The following KIAA0319L variants were observed in gnomAD, a reference collection of about 807,000 sequenced individuals.
KIAA0319L encodes dyslexia-associated protein KIAA0319-like protein.
KIAA0319L carries 55 observed loss-of-function variants against 120.1 expected under a neutral mutation model. That is an observed-to-expected ratio of 0.46 (90% confidence interval 0.37 to 0.57). The LOEUF is 0.57. Ranked by LOEUF, KIAA0319L falls within the 20% of genes least tolerant of loss-of-function variation. The pLI is 0.00. For missense variants in KIAA0319L, 1,049 were observed against 1,255.3 expected (o/e 0.84, Z 2.48); for synonymous variants, 398 against 471.9 (o/e 0.84, Z 2.03).
At chr1:35,444,429 A>G (rs1359059063) in intron 16 of KIAA0319L, 126 bp from the exon 17 acceptor site, 3 of 880,114 alleles carry the variant, frequency 3.4e-6, no homozygotes, top group Non-Finnish European at 4.9e-6. Context: ...TTCTGTTACT[A>G]CAAGCCAGTG....
At chr1:35,511,966 T>G (rs1199319064) in intron 2 of KIAA0319L, among the ~76,000 whole-genome samples, 1 of 152,028 alleles carries the variant, frequency 6.6e-6, no homozygotes, top group East Asian at 1.9e-4. Flanking sequence ...CCACATATAT[T>G]ACCTGGATTC....
chr1:35,535,410 C>T (rs1646537131), intron 2 of KIAA0319L, among the ~76,000 whole-genome samples: 1 of 152,126 alleles, frequency 6.6e-6, no homozygotes, highest in Non-Finnish European at 1.5e-5. Context: ...TCTCTTCTAT[C>T]TTTTGGCCCC....
At chr1:35,523,044 T>C (rs373908680) in intron 2 of KIAA0319L, among the ~76,000 whole-genome samples, 1 of 151,064 alleles carries the variant, frequency 6.6e-6, no homozygotes, top group African/African-American at 2.4e-5. Flanking sequence ...AAAAATCTTG[T>C]ATGGTTTGGA....
At chr1:35,507,858 A>C (rs542612081) in intron 2 of KIAA0319L, among the ~76,000 whole-genome samples, 10 of 152,260 alleles carry the variant, frequency 6.6e-5, no homozygotes, top group Non-Finnish European at 1.2e-4. Flanking sequence ...TAAGTACAAC[A>C]GTGACATGCT....
At chr1:35,487,949 A>G (rs1460276992) in intron 3 of KIAA0319L, among the ~76,000 whole-genome samples, 2 of 152,160 alleles carry the variant, frequency 1.3e-5, no homozygotes, top group East Asian at 3.9e-4. Context: ...TATGGGGGTC[A>G]CCCTCTTCTG....
At position 35,456,165 on chromosome 1, in the gene KIAA0319L, G is replaced by A. The variant is rs368938917; in HGVS notation, c.1504C>T (p.Pro502Ser). ...TTGGGGCCTGCGTTGGCCACAGGGG[G>A]GTAATCCACAGCTTTGTTCACTGTC... Reference protein sequence around the residue: ...NLTVNKAVDYPPVANAGPNQV... With the variant: ...NLTVNKAVDYSPVANAGPNQV... Residue 502 changes from proline (P) to serine (S), a missense_variant, in exon 10 of 21, where the codon CCC becomes TCC. Pro to Ser is a moderately conservative substitution (Grantham distance 74). Transcript: ENST00000325722. The A allele has an allele frequency of 6.2e-7, 1 of 1,613,558 alleles. No individual in the cohort carries two copies. Among genetic ancestry groups the A allele is most frequent in the Admixed American group, 1.7e-5 (1 of 59,982 alleles).
At chr1:35,538,066 GC>G (rs1334536959) in intron 2 of KIAA0319L, among the ~76,000 whole-genome samples, 1 of 152,046 alleles carries the variant, frequency 6.6e-6, no homozygotes. Context: ...GCTATTCTCT[GC>G]CCCATTCTTT....
At chr1:35,472,969 T>C (rs1238588249) in intron 5 of KIAA0319L, among the ~76,000 whole-genome samples, 1 of 149,674 alleles carries the variant, frequency 6.7e-6, no homozygotes, top group East Asian at 2.0e-4. Flanking sequence ...TTAGTAGAGA[T>C]GGGGTTTCAC....
intron 4 of KIAA0319L, among the ~76,000 whole-genome samples, chr1:35,476,156 A>T (rs2149134701): frequency 6.6e-6 from 1 of 152,310 alleles, no homozygotes; most frequent in East Asian, 1.9e-4. Flanking sequence ...CACATATGTC[A>T]GAGTTTCTCA....
rs1309574684 is a variant in KIAA0319L, at chr1:35,485,396, C to T, written c.667-6184G>A. 2.6e-5 allele frequency among the ~76,000 whole-genome samples: 4 copies of T among 152,118 alleles called. No individual in the cohort carries two copies. The East Asian group carries it at 7.7e-4, about 29-fold the overall frequency. On this transcript the variant is annotated intron_variant, in intron 3 of 20. Coordinates refer to ENST00000325722, the MANE Select transcript of KIAA0319L (RefSeq NM_024874.5). ...GATCTGGGCAGGGGTTGCTCATAGA[C>T]CTCAAACCCATAAAGCTTTGCCATC... is the stretch of plus-strand genomic sequence containing the variant.
intron 2 of KIAA0319L, among the ~76,000 whole-genome samples, chr1:35,517,656 AACAG>A (rs531683114): frequency 6.6e-6 from 1 of 152,116 alleles, no homozygotes; most frequent in East Asian, 1.9e-4. Context: ...GGAACATAGA[AACAG>A]ACAAAGATTT....
chr1:35,548,978 C>T (rs543069529), intron 2 of KIAA0319L, among the ~76,000 whole-genome samples: 4 of 152,254 alleles, frequency 2.6e-5, no homozygotes, highest in Non-Finnish European at 5.9e-5. Flanking sequence ...AGAAAGAACT[C>T]CTTAGAGCAC....
intron 19 of KIAA0319L, among the ~76,000 whole-genome samples, chr1:35,441,613 C>T (rs1343893119): frequency 6.6e-6 from 1 of 151,868 alleles, no homozygotes; most frequent in African/African-American, 2.4e-5. Context: ...TTTCCTGAGC[C>T]TAAGTTTTTT....
intron 3 of KIAA0319L, among the ~76,000 whole-genome samples, chr1:35,504,709 T>C (rs997234184): frequency 1.3e-5 from 2 of 152,188 alleles, no homozygotes; most frequent in Non-Finnish European, 2.9e-5. Flanking sequence ...AAGGGTCAAC[T>C]GTATATTCTC....
chr1:35,523,024 A>AG (rs1037503145), intron 2 of KIAA0319L, among the ~76,000 whole-genome samples: 2 of 151,174 alleles, frequency 1.3e-5, no homozygotes, highest in African/African-American at 4.9e-5. Flanking sequence ...TAAAAAAAAA[A>AG]AAAAAAAAAA....
intron 15 of KIAA0319L, among the ~76,000 whole-genome samples, chr1:35,448,543 A>G (rs1440403988): frequency 6.6e-6 from 1 of 152,222 alleles, no homozygotes; most frequent in Non-Finnish European, 1.5e-5. Flanking sequence ...CCAACCTGAG[A>G]ATTCCCACAC....
intron 16 of KIAA0319L, among the ~76,000 whole-genome samples, chr1:35,447,564 C>CTTTTTTTTTCTTTTT (rs1641719201): frequency 5.4e-5 from 8 of 149,184 alleles, no homozygotes; most frequent in Non-Finnish European, 1.2e-4. Context: ...TCCTTTTCCC[C>CTTTTTTTTTCTTTTT]TTTTTTTTTC....
chr1:35,438,103 C>A (rs1485409374), intron 20 of KIAA0319L, among the ~76,000 whole-genome samples: 1 of 152,184 alleles, frequency 6.6e-6, no homozygotes, highest in Non-Finnish European at 1.5e-5. Flanking sequence ...TTTCCTAAAC[C>A]AGCTTATCCA....
In KIAA0319L at chr1:35,434,543, A is replaced by G. The variant is rs1027007013; in HGVS notation, c.*351T>C. 9.1e-5 allele frequency: 21 copies of G among 231,324 alleles called. No individual in the cohort carries two copies. The highest frequency in any genetic ancestry group is 8.3e-5 in the Non-Finnish European group (10 of 120,200). 14.3% of individuals were successfully genotyped at this position (231,324 alleles called of 1,614,324 possible). A position where few individuals can be genotyped will look rare whatever the true frequency, so the allele number is the denominator to read the frequency against. ...GTGTGCGGGCAGCACAGCAGGCCTC[A>G]CCTTGCAGCACTCTGGGCACAATGA... On this transcript the variant is annotated 3_prime_UTR_variant, in exon 21 of 21. Transcript: ENST00000325722.
Sources: allele counts gnomAD v4.1 joint callset (sites outside exome capture counted in the v4.1 genomes callset), GRCh38; gene constraint gnomAD v4.1.1; transcripts MANE v1.5; gene names NCBI Gene and HGNC (gene_info 2026-07-23, HGNC 2026-07-21).